SATB2: variants seen among roughly 807,000 people sequenced by gnomAD.
SATB2 encodes the protein SATB homeobox 2.
Under a neutral mutation model 73.4 loss-of-function variants are expected in SATB2, and 1 was observed. The ratio of observed to expected loss-of-function variants is 0.01; its 90% CI spans 0.00 to 0.06. The LOEUF (loss-of-function observed/expected upper bound fraction) is 0.06, where lower values mean the gene tolerates loss of function less well. SATB2 is among the 10% of genes least tolerant of loss of function. The pLI, the probability that SATB2 is intolerant of heterozygous loss-of-function variation, is 1.00. For synonymous variants in SATB2, 397 were observed against 367.0 expected (o/e 1.08, Z -0.93); for missense variants, 459 against 945.8 (o/e 0.49, Z 6.75).
chr2:199,360,898 C>CCCTCT (rs1206649767), intron 6 of SATB2, among the ~76,000 whole-genome samples: 1 of 151,962 alleles, frequency 6.6e-6, no homozygotes, highest in Non-Finnish European at 1.5e-5. Flanking sequence ...GCCTCCAATT[C>CCCTCT]CCTCTCCTCT....
chr2:199,463,332 G>A lies in SATB2; in HGVS notation c.-141+1504C>T, dbSNP rs1346591425. Among the ~76,000 whole-genome samples the A allele has an allele frequency of 6.6e-6, 1 of 152,244 alleles. No individual in the cohort carries two copies. The highest frequency in any genetic ancestry group is 2.1e-4 in the South Asian group (1 of 4,836). On this transcript the variant is annotated intron_variant, in intron 1 of 11. Transcript: ENST00000260926. The surrounding 1 kb of genome is among the most constrained non-coding windows in gnomAD (Gnocchi z 6.4). ...TGGGGGAAGAAAAGGAAGCGCCGAAGGAGCCGCCGCTGCGTCCCCGCCCCC... is the reference window on the plus strand; with the variant it reads ...TGGGGGAAGAAAAGGAAGCGCCGAAAGAGCCGCCGCTGCGTCCCCGCCCCC...
At chr2:199,275,680 A>G (rs1385835251) in intron 10 of SATB2, among the ~76,000 whole-genome samples, 3 of 152,196 alleles carry the variant, frequency 2.0e-5, no homozygotes, top group Non-Finnish European at 4.4e-5. Context: ...CAGAGAAATT[A>G]TCTACAAAGT....
rs150919931 is a variant in SATB2, at chr2:199,433,465, A to C, written c.219T>G (p.Leu73=). ...CGTGTTCTTCTCTGTTGTCATATTC[A>C]AGAGAGCCGTCCAACTGCTCCACGA... ...FCVVEQLDGS[L]EYDNREEHAE... Residue 73 remains leucine, a synonymous_variant, in exon 3 of 11, where the codon CTT becomes CTG. Coordinates refer to ENST00000417098, the MANE Select transcript of SATB2 (RefSeq NM_001172509.2). 1.6e-5 allele frequency: 26 copies of C among 1,614,046 alleles called. No individual in the cohort carries two copies. Among genetic ancestry groups the C allele is most frequent in the Non-Finnish European group, 2.1e-5 (25 of 1,180,026 alleles).
intron 3 of SATB2, among the ~76,000 whole-genome samples, chr2:199,382,900 T>C (rs1358194020): frequency 2.6e-5 from 4 of 152,154 alleles, no homozygotes; most frequent in Non-Finnish European, 5.9e-5. Flanking sequence ...AAAAAATATA[T>C]TATCATCAAA....
intron 2 of SATB2, 34 bp from the exon 3 acceptor site, chr2:199,433,548 C>T (rs760012390): frequency 2.5e-6 from 4 of 1,598,152 alleles, no homozygotes; most frequent in Non-Finnish European, 3.4e-6. Flanking sequence ...AAAACACAAA[C>T]ATTAAAAAGC....
chr2:199,354,192 T>A (rs1461650963), intron 6 of SATB2, among the ~76,000 whole-genome samples: 1 of 152,004 alleles, frequency 6.6e-6, no homozygotes, highest in African/African-American at 2.4e-5. Flanking sequence ...ACCTGGTCTC[T>A]ACTAAAATAC....
chr2:199,278,352 C>T (rs1692381457), intron 10 of SATB2, among the ~76,000 whole-genome samples: 1 of 152,312 alleles, frequency 6.6e-6, no homozygotes, highest in Middle Eastern at 3.4e-3. Context: ...TACATTTAAA[C>T]TAATTAAACA....
upstream of SATB2, chr2:199,458,441 C>T (rs1371004166): frequency 7.6e-6 from 3 of 394,838 alleles, no homozygotes; most frequent in South Asian, 1.7e-5. Context: ...GGACCGATGG[C>T]AGAGAACCGA....
intron 3 of SATB2, among the ~76,000 whole-genome samples, chr2:199,391,467 C>T (rs534021585): frequency 8.1e-5 from 12 of 148,110 alleles, no homozygotes; most frequent in East Asian, 4.0e-4. Flanking sequence ...AAACAAAAAA[C>T]GAGTATTTTA....
At chr2:199,332,561 C>T (rs892387978) in intron 7 of SATB2, among the ~76,000 whole-genome samples, 8 of 151,994 alleles carry the variant, frequency 5.3e-5, no homozygotes, top group Non-Finnish European at 7.4e-5. Flanking sequence ...TGTTTGCTAC[C>T]TCTACACACA....
chr2:199,396,419 T>G (rs547892989), intron 3 of SATB2: 2 of 152,350 alleles, frequency 1.3e-5, no homozygotes, highest in Admixed American at 1.3e-4. Context: ...ACATTCATTC[T>G]GGATAATTTA....
intron 10 of SATB2, among the ~76,000 whole-genome samples, chr2:199,274,428 T>C (rs1692251209): frequency 1.3e-5 from 2 of 152,170 alleles, no homozygotes; most frequent in Non-Finnish European, 2.9e-5. Context: ...TTCCCACCAA[T>C]GTGAAACTGT....
chr2:199,429,683 G>A (rs1056712735), intron 3 of SATB2, among the ~76,000 whole-genome samples: 1 of 152,176 alleles, frequency 6.6e-6, no homozygotes, highest in Non-Finnish European at 1.5e-5. Context: ...GCCGAGGTGG[G>A]CGGATCACCT....
upstream of SATB2, chr2:199,458,146 G>T (rs1364593426): frequency 2.5e-5 from 4 of 163,092 alleles, no homozygotes; most frequent in Non-Finnish European, 5.1e-5. Flanking sequence ...GGGGGTGGGG[G>T]GGATGGATCT....
chr2:199,408,209 A>G (rs1325414223), intron 3 of SATB2, among the ~76,000 whole-genome samples: 1 of 152,194 alleles, frequency 6.6e-6, no homozygotes, highest in Non-Finnish European at 1.5e-5. Flanking sequence ...TAAAATCTGT[A>G]GATTTTGCAA....
chr2:199,375,315 C>T (rs1205046965), intron 5 of SATB2, among the ~76,000 whole-genome samples: 1 of 152,182 alleles, frequency 6.6e-6, no homozygotes, highest in South Asian at 2.1e-4. Flanking sequence ...CAAGTGGTTA[C>T]TCACAGAGAC....
In SATB2 at chr2:199,455,865, T is replaced by G; in HGVS notation, c.169+4A>C. 6.5e-7 allele frequency: 1 copy of G among 1,536,366 alleles called. No individual in the cohort carries two copies. Among genetic ancestry groups the G allele is most frequent in the Non-Finnish European group, 8.7e-7 (1 of 1,147,564 alleles). ...CTGCGCGCCTCCCTGCTCCGGGCTG[T>G]TACCTCCCACGGCCTTGGCCACGGC... On this transcript the variant is annotated splice_donor_region_variant and intron_variant, in intron 2 of 10. Coordinates refer to ENST00000417098, the MANE Select transcript of SATB2 (RefSeq NM_001172509.2). This position sits in a 1 kb window ranked among gnomAD's most constrained non-coding sequence, Gnocchi z 4.1.
chr2:199,414,025 T>A (rs1425594403), intron 3 of SATB2, among the ~76,000 whole-genome samples: 1 of 152,214 alleles, frequency 6.6e-6, no homozygotes, highest in Non-Finnish European at 1.5e-5. Flanking sequence ...CTCCACTGAC[T>A]CAAACCCTTT....
intron 3 of SATB2, among the ~76,000 whole-genome samples, chr2:199,427,727 TGTTGCA>T: frequency 6.6e-6 from 1 of 152,220 alleles, no homozygotes; most frequent in Non-Finnish European, 1.5e-5. Flanking sequence ...AATTTGTATA[TGTTGCA>T]TGTTTCCATA....
Sources: allele counts gnomAD v4.1 joint callset (sites outside exome capture counted in the v4.1 genomes callset), GRCh38; gene constraint gnomAD v4.1.1; non-coding constraint Gnocchi (gnomAD v3.1); transcripts MANE v1.5; gene names NCBI Gene and HGNC (gene_info 2026-07-23, HGNC 2026-07-21).